The following LMO7 variants were observed in gnomAD, a reference collection of about 807,000 sequenced individuals.
LMO7 encodes the protein LIM domain only protein 7.
Under a neutral mutation model 206.5 loss-of-function variants are expected in LMO7, and 120 were observed. The ratio of observed to expected loss-of-function variants is 0.58; its 90% confidence interval spans 0.50 to 0.68. LMO7 has a LOEUF of 0.68. LMO7 is among the 30% of genes least tolerant of loss of function. The probability of loss-of-function intolerance (pLI) is 0.00; values close to 1 mark genes in which losing one functional copy is unlikely to be tolerated. For synonymous variants in LMO7, 706 were observed against 681.5 expected (o/e 1.04, Z -0.56); for missense variants, 1,959 against 1,957.9 (o/e 1.00, Z -0.01).
chr13:75,838,348 G>T (rs942686202), intron 20 of LMO7, 152 bp downstream of exon 20: 1 of 1,510,690 alleles, frequency 6.6e-7, no homozygotes, highest in African/African-American at 1.4e-5. Context: ...TTTCCCTAGG[G>T]TCATCAGGCT....
intron 3 of LMO7, among the ~76,000 whole-genome samples, chr13:75,752,782 A>C (rs757311442): frequency 2.0e-5 from 3 of 152,206 alleles, no homozygotes; most frequent in Non-Finnish European, 4.4e-5. Flanking sequence ...TTAATGGCTG[A>C]ATAGTATTCC....
chr13:75,716,220 T>C (rs1442123555), intron 2 of LMO7, among the ~76,000 whole-genome samples: 1 of 152,196 alleles, frequency 6.6e-6, no homozygotes, highest in Non-Finnish European at 1.5e-5. Context: ...TGTTCTGAAA[T>C]ATCAAAGTCA....
At chr13:75,742,434 G>A (rs1008904990) in intron 3 of LMO7, among the ~76,000 whole-genome samples, 9 of 152,136 alleles carry the variant, frequency 5.9e-5, no homozygotes, top group African/African-American at 1.9e-4. Flanking sequence ...TAAGCAAGAA[G>A]AATAAAGCTG....
chr13:75,817,697 G>A (rs184308499), intron 12 of LMO7, among the ~76,000 whole-genome samples: 1 of 152,132 alleles, frequency 6.6e-6, no homozygotes, highest in Non-Finnish European at 1.5e-5. Flanking sequence ...GATGAAAAGG[G>A]TTAGTAATTA....
At chr13:75,755,738 C>T (rs1440626911) in intron 3 of LMO7, among the ~76,000 whole-genome samples, 1 of 152,168 alleles carries the variant, frequency 6.6e-6, no homozygotes, top group Non-Finnish European at 1.5e-5. Context: ...CTTGTGGTAG[C>T]CAGCTTCCAA....
At chr13:75,820,866 G>T (rs962597406) in intron 13 of LMO7, among the ~76,000 whole-genome samples, 2 of 152,042 alleles carry the variant, frequency 1.3e-5, no homozygotes, top group South Asian at 2.1e-4. Context: ...GTGTGGTGGC[G>T]CATGCCCGTA....
At chr13:75,737,493 C>G (rs548362714) in intron 3 of LMO7, among the ~76,000 whole-genome samples, 43 of 149,900 alleles carry the variant, frequency 2.9e-4, no homozygotes, top group Non-Finnish European at 5.2e-4. Context: ...GTGGCTCACG[C>G]CTGTAATCCC....
intron 6 of LMO7, 112 bp downstream of exon 6, chr13:75,796,861 C>T (rs1175441679): frequency 4.6e-5 from 32 of 688,270 alleles, no homozygotes; most frequent in East Asian, 3.0e-4. Flanking sequence ...ATGGCAACTC[C>T]GACTCTCTTT....
chr13:75,723,714 G>A (rs984299255), intron 2 of LMO7, among the ~76,000 whole-genome samples: 7 of 152,172 alleles, frequency 4.6e-5, no homozygotes, highest in African/African-American at 1.7e-4. Context: ...ATCTGTCATT[G>A]TGCAACTCCT....
At chr13:75,743,106 C>T (rs1020632741) in intron 3 of LMO7, among the ~76,000 whole-genome samples, 1 of 151,820 alleles carries the variant, frequency 6.6e-6, no homozygotes, top group Non-Finnish European at 1.5e-5. Flanking sequence ...AGCCAATAGG[C>T]ATATGAAAAA....
chr13:75,781,881 T>C (rs1391369420), intron 4 of LMO7, among the ~76,000 whole-genome samples: 5 of 152,226 alleles, frequency 3.3e-5, no homozygotes, highest in Admixed American at 1.3e-4. Flanking sequence ...TGGCCAGTGA[T>C]GATGAGCATT....
At chr13:75,661,445 T>C (rs898786946) in intron 1 of LMO7, among the ~76,000 whole-genome samples, 3 of 152,192 alleles carry the variant, frequency 2.0e-5, no homozygotes, top group Admixed American at 6.5e-5. Context: ...TTTTGCAAAG[T>C]GGCAGTAAAA....
rs1341452657 is a variant in LMO7 at position 75,836,299 on chromosome 13, C to A, written c.3334-98C>A. On this transcript the variant is annotated intron_variant, in intron 18 of 30. Coordinates refer to ENST00000377534, the MANE Select transcript of LMO7 (RefSeq NM_001306080.2). Reference sequence around the variant, plus strand: ...GAATGCATCAATATCCCGAGAAACTCATCTTGTTAAAATATATATTTCACT... The same window carrying A: ...GAATGCATCAATATCCCGAGAAACTAATCTTGTTAAAATATATATTTCACT... The A allele has an allele frequency of 8.9e-6, 6 of 674,028 alleles. No homozygotes were observed. In the East Asian group the frequency reaches 1.9e-4, roughly 21 times the overall value. The allele number at this position is 674,028 out of a possible 1,614,324, so 41.8% of individuals were successfully genotyped here. A position where few individuals can be genotyped will look rare whatever the true frequency, so the allele number is the denominator to read the frequency against.
chr13:75,850,978 C>T (rs559058769), intron 27 of LMO7, among the ~76,000 whole-genome samples: 1 of 152,284 alleles, frequency 6.6e-6, no homozygotes, highest in African/African-American at 2.4e-5. Context: ...TGGGCCTCTC[C>T]ACATAGTTTT....
intron 2 of LMO7, chr13:75,627,827 C>T (rs1297405505): frequency 6.6e-6 from 1 of 151,830 alleles, no homozygotes; most frequent in Non-Finnish European, 1.5e-5. Context: ...TCCTTTTGAT[C>T]TCACTGCTAT....
chr13:75,675,312 G>A (rs1057412072), intron 1 of LMO7, among the ~76,000 whole-genome samples: 2 of 151,960 alleles, frequency 1.3e-5, no homozygotes, highest in African/African-American at 4.8e-5. Context: ...GACCTCAAAT[G>A]ATCCACCCAC....
intron 1 of LMO7, among the ~76,000 whole-genome samples, chr13:75,712,247 T>C (rs1392970856): frequency 1.3e-5 from 2 of 152,208 alleles, no homozygotes; most frequent in African/African-American, 4.8e-5. Flanking sequence ...AATGTATTTC[T>C]TTCTGAAGTG....
intron 1 of LMO7, among the ~76,000 whole-genome samples, chr13:75,657,522 C>T (rs896396443): frequency 7.2e-5 from 11 of 152,042 alleles, no homozygotes; most frequent in African/African-American, 2.2e-4. Context: ...TTGAACAAAA[C>T]GAGAACTCTC....
At chr13:75,687,729 A>G (rs2041131446) in intron 1 of LMO7, among the ~76,000 whole-genome samples, 1 of 152,228 alleles carries the variant, frequency 6.6e-6, no homozygotes, top group Non-Finnish European at 1.5e-5. Flanking sequence ...TTTTATAACA[A>G]AGTAATTAAA....
Sources: allele counts gnomAD v4.1 joint callset (sites outside exome capture counted in the v4.1 genomes callset), GRCh38; gene constraint gnomAD v4.1.1; transcripts MANE v1.5; gene names NCBI Gene and HGNC (gene_info 2026-07-23, HGNC 2026-07-21).